NELL1: variants seen among roughly 807,000 people sequenced by gnomAD.
The protein encoded by NELL1 is neural EGFL like 1, also known as protein kinase C-binding protein NELL1.
Under a neutral mutation model 107.4 loss-of-function variants are expected in NELL1, and 76 were observed. That is an observed-to-expected ratio of 0.71 (90% CI 0.59 to 0.86). The LOEUF is 0.86. NELL1 is among the 40% of genes least tolerant of loss of function. The pLI is 0.00. For missense variants in NELL1, 1,024 were observed against 1,005.5 expected (o/e 1.02, Z -0.25); for synonymous variants, 353 against 341.2 (o/e 1.03, Z -0.38).
chr11:21,537,734 GTA>G (rs1199684606), intron 16 of NELL1, among the ~76,000 whole-genome samples: 1 of 152,114 alleles, frequency 6.6e-6, no homozygotes, highest in Non-Finnish European at 1.5e-5. Flanking sequence ...TTCAATGCAT[GTA>G]TGTCAAATGA....
At chr11:21,173,881 A>G (rs977128140) in intron 13 of NELL1, among the ~76,000 whole-genome samples, 1 of 151,718 alleles carries the variant, frequency 6.6e-6, no homozygotes, top group African/African-American at 2.4e-5. Context: ...GAGTTTTCTT[A>G]GATTAGATGA....
At chr11:21,265,193 T>G (rs1848612276) in intron 14 of NELL1, among the ~76,000 whole-genome samples, 1 of 152,032 alleles carries the variant, frequency 6.6e-6, no homozygotes, top group South Asian at 2.1e-4. Flanking sequence ...ACACCTCTAT[T>G]TCAGCCAAAA....
At chr11:21,281,776 G>C (rs953559632) in intron 14 of NELL1, among the ~76,000 whole-genome samples, 1 of 152,130 alleles carries the variant, frequency 6.6e-6, no homozygotes, top group Non-Finnish European at 1.5e-5. Context: ...TAATTCTTCC[G>C]GATCTCATCT....
intron 9 of NELL1, among the ~76,000 whole-genome samples, chr11:20,930,108 T>G (rs1184541633): frequency 6.6e-6 from 1 of 152,178 alleles, no homozygotes; most frequent in Non-Finnish European, 1.5e-5. Context: ...ATGGAAGTAA[T>G]GAGTCCTTCG....
chr11:21,210,974 C>A (rs1262243058), intron 13 of NELL1, among the ~76,000 whole-genome samples: 1 of 152,022 alleles, frequency 6.6e-6, no homozygotes, highest in Non-Finnish European at 1.5e-5. Context: ...TCTTTCCTTT[C>A]TTTCTTTTAT....
intron 12 of NELL1, among the ~76,000 whole-genome samples, chr11:21,085,590 C>T (rs1044757936): frequency 1.3e-5 from 2 of 152,074 alleles, no homozygotes; most frequent in Non-Finnish European, 2.9e-5. Flanking sequence ...GAACCATGAT[C>T]ACACCACTGC....
chr11:21,065,102 T>C (rs2134369035), intron 12 of NELL1, among the ~76,000 whole-genome samples: 1 of 152,296 alleles, frequency 6.6e-6, no homozygotes, highest in South Asian at 2.1e-4. Flanking sequence ...GAGCACATAC[T>C]TTCTTTTATA....
chr11:21,337,830 T>TGC (rs1850463701), intron 14 of NELL1, among the ~76,000 whole-genome samples: 2 of 19,084 alleles, frequency 1.0e-4, no homozygotes, highest in Non-Finnish European at 1.9e-4. Context: ...CTTTCTTTCT[T>TGC]TCTTTCTTTT....
intron 2 of NELL1, among the ~76,000 whole-genome samples, chr11:20,713,210 G>A (rs192447900): frequency 1.5e-3 from 227 of 152,228 alleles, no homozygotes; most frequent in African/African-American, 5.1e-3. Flanking sequence ...TGATTGATGG[G>A]CAGGTCTACA....
chr11:21,302,375 A>T (rs539958150), intron 14 of NELL1, among the ~76,000 whole-genome samples: 1 of 152,154 alleles, frequency 6.6e-6, no homozygotes, highest in Admixed American at 6.6e-5. Flanking sequence ...TGAATGATAG[A>T]TGGATTCTGA....
intron 13 of NELL1, among the ~76,000 whole-genome samples, chr11:21,158,905 G>T (rs1856302520): frequency 6.6e-6 from 1 of 151,906 alleles, no homozygotes; most frequent in Non-Finnish European, 1.5e-5. Flanking sequence ...CAGACATATT[G>T]TAGGAGTATT....
intron 12 of NELL1, among the ~76,000 whole-genome samples, chr11:21,020,763 C>A (rs747213210): frequency 6.6e-6 from 1 of 151,950 alleles, no homozygotes; most frequent in Non-Finnish European, 1.5e-5. Context: ...TCAGAAAATA[C>A]ATCTTTGTGT....
chr11:21,204,873 T>C (rs1358115009), intron 13 of NELL1, among the ~76,000 whole-genome samples: 1 of 152,170 alleles, frequency 6.6e-6, no homozygotes. Flanking sequence ...GCCCCTCTGC[T>C]GCAGGTTTGC....
rs924893727 is a variant in NELL1 at position 20,953,668 on chromosome 11, C to T, written c.1171+6233C>T. Among the ~76,000 whole-genome samples the T allele has an allele frequency of 3.3e-5, 5 of 152,190 alleles. No homozygotes were observed. In the South Asian group the frequency reaches 1.0e-3, roughly 32 times the overall value. The stretch of plus-strand genomic sequence containing the variant: ...ACCAGAGGAGAAAGTGTGACCCCAA[C>T]ATTTACATTTTCTTTCATTAATTTC... On this transcript the variant is annotated intron_variant, in intron 11 of 19. Coordinates refer to ENST00000357134, the MANE Select transcript of NELL1 (RefSeq NM_006157.5).
chr11:21,000,189 G>C (rs146440901), intron 12 of NELL1, among the ~76,000 whole-genome samples: 2 of 151,730 alleles, frequency 1.3e-5, no homozygotes, highest in African/African-American at 4.8e-5. Flanking sequence ...AATCTTAATC[G>C]CACCAGCACG....
At chr11:20,994,358 G>A (rs552996438) in intron 12 of NELL1, among the ~76,000 whole-genome samples, 1 of 152,336 alleles carries the variant, frequency 6.6e-6, no homozygotes, top group South Asian at 2.1e-4. Flanking sequence ...TCTTATGTTA[G>A]ACATAACAGT....
At chr11:20,694,413 T>C (rs1019722963) in intron 2 of NELL1, among the ~76,000 whole-genome samples, 14 of 152,168 alleles carry the variant, frequency 9.2e-5, no homozygotes, top group Admixed American at 4.6e-4. Context: ...TATATTTAAA[T>C]CTTTAATCCA....
At chr11:21,047,234 T>C (rs1384814893) in intron 12 of NELL1, among the ~76,000 whole-genome samples, 3 of 152,196 alleles carry the variant, frequency 2.0e-5, no homozygotes, top group African/African-American at 4.8e-5. Context: ...TTACCAATTA[T>C]ATCCCTTTCT....
chr11:21,197,748 G>A lies in NELL1; in HGVS notation c.1427-31584G>A, dbSNP rs1857185917. On this transcript the variant is annotated intron_variant, in intron 13 of 19. Coordinates refer to ENST00000357134, the MANE Select transcript of NELL1 (RefSeq NM_006157.5). ...TTTAATACACCTCACTTTAACGATGGGAGACTGTCTCAGAGGAACAAACAG... is the reference window on the plus strand; with the variant it reads ...TTTAATACACCTCACTTTAACGATGAGAGACTGTCTCAGAGGAACAAACAG... Among the ~76,000 whole-genome samples, 4 of 152,190 alleles carry A rather than the reference G, an allele frequency of 2.6e-5. No individual in the cohort carries two copies. In the South Asian group the frequency reaches 8.3e-4, roughly 32 times the overall value.
Sources: allele counts gnomAD v4.1 joint callset (sites outside exome capture counted in the v4.1 genomes callset), GRCh38; gene constraint gnomAD v4.1.1; transcripts MANE v1.5; gene names NCBI Gene and HGNC (gene_info 2026-07-23, HGNC 2026-07-21).